CADM2: variants seen among roughly 807,000 people sequenced by gnomAD.
The protein encoded by CADM2 is cell adhesion molecule 2, also known as immunoglobulin superfamily member 4D.
CADM2 carries 12 observed loss-of-function variants against 49.8 expected under a neutral mutation model. The observed-to-expected ratio is 0.24, with a 90% CI of 0.15 to 0.39. CADM2 has a LOEUF of 0.39. CADM2 is among the 10% of genes least tolerant of loss of function. The pLI is 1.00. For synonymous variants in CADM2, 214 were observed against 175.4 expected (o/e 1.22, Z -1.74); for missense variants, 378 against 492.3 (o/e 0.77, Z 2.20).
In CADM2 at chr3:85,886,278, TAAAC is replaced by T; in HGVS notation, c.481_484del (p.Lys161LeufsTer5). 6.2e-7 allele frequency: 1 copy of T among 1,613,834 alleles called. No individual in the cohort carries two copies. Among genetic ancestry groups the T allele is most frequent in the South Asian group, 1.1e-5 (1 of 91,074 alleles). On this transcript the variant is annotated frameshift_variant, in exon 5 of 10. Coordinates refer to ENST00000383699, the MANE Select transcript of CADM2 (RefSeq NM_001167675.2). LOFTEE classifies it high-confidence loss of function. ...AGCTGACTTGCAAAACATCTGGTAG[TAAAC>T]CTGCAGCTGATATAAGATGGTTCAA... is the stretch of plus-strand genomic sequence containing the variant.
At chr3:85,203,566 A>G (rs928376622) in intron 1 of CADM2, among the ~76,000 whole-genome samples, 2 of 152,206 alleles carry the variant, frequency 1.3e-5, no homozygotes, top group African/African-American at 4.8e-5. Context: ...AAACATTTGA[A>G]ATACTGTGAA....
chr3:85,199,900 G>T (rs2041449668), intron 1 of CADM2, among the ~76,000 whole-genome samples: 1 of 151,994 alleles, frequency 6.6e-6, no homozygotes, highest in African/African-American at 2.4e-5. Context: ...TTTTTTAGCT[G>T]CTTATTGAAA....
At chr3:85,695,695 T>C (rs2066530747) in intron 1 of CADM2, among the ~76,000 whole-genome samples, 1 of 152,114 alleles carries the variant, frequency 6.6e-6, no homozygotes, top group Non-Finnish European at 1.5e-5. Flanking sequence ...ATCTTTGCAA[T>C]TGTAAATTGT....
intron 1 of CADM2, among the ~76,000 whole-genome samples, chr3:85,438,680 C>A (rs2037045629): frequency 6.6e-6 from 1 of 151,534 alleles, no homozygotes; most frequent in Non-Finnish European, 1.5e-5. Flanking sequence ...TTTCCTTTTC[C>A]TTTCTTTTTT....
chr3:85,749,166 A>T (rs1262206107), intron 2 of CADM2, among the ~76,000 whole-genome samples: 1 of 152,208 alleles, frequency 6.6e-6, no homozygotes, highest in Non-Finnish European at 1.5e-5. Context: ...GAAACAAAAG[A>T]ATTCAATACC....
intron 1 of CADM2, among the ~76,000 whole-genome samples, chr3:85,701,912 T>TAGATAG (rs1559601731): frequency 2.2e-5 from 3 of 136,620 alleles, no homozygotes; most frequent in African/African-American, 8.6e-5. Flanking sequence ...TAGATAGATA[T>TAGATAG]AAAGAAAAAG....
rs923170570 is a variant in CADM2 at position 85,976,554 on chromosome 3, A to C, written c.970+14907A>C. 4.0e-5 allele frequency among the ~76,000 whole-genome samples: 6 copies of C among 151,680 alleles called. No homozygotes were observed. The Admixed American group carries it at 4.0e-4, about 10-fold the overall frequency. On this transcript the variant is annotated intron_variant, in intron 8 of 9. Transcript: ENST00000383699. Reference sequence around the variant, plus strand: ...CTTTAACAAATAATGAAAGAACAGAATAAAACCCTCAAAATTATTAGAAAA... The same window carrying C: ...CTTTAACAAATAATGAAAGAACAGACTAAAACCCTCAAAATTATTAGAAAA...
At chr3:85,042,801 C>G (rs1276390431) in intron 1 of CADM2, among the ~76,000 whole-genome samples, 1 of 152,002 alleles carries the variant, frequency 6.6e-6, no homozygotes, top group Non-Finnish European at 1.5e-5. Flanking sequence ...GGAGGAGGCT[C>G]AAGATCACCT....
At chr3:85,005,929 A>ACTGAGTGGGAG (rs1224420374) in intron 1 of CADM2, among the ~76,000 whole-genome samples, 24 of 152,224 alleles carry the variant, frequency 1.6e-4, no homozygotes, top group Non-Finnish European at 2.6e-4. Flanking sequence ...TGGGATTTTA[A>ACTGAGTGGGAG]CTGAGTGGGA....
At chr3:85,444,503 C>G (rs1244462651) in intron 1 of CADM2, among the ~76,000 whole-genome samples, 3 of 151,796 alleles carry the variant, frequency 2.0e-5, no homozygotes, top group African/African-American at 4.8e-5. Context: ...ACTGTTCTCT[C>G]CACATTTGGA....
At chr3:85,534,727 T>C (rs1227851419) in intron 1 of CADM2, among the ~76,000 whole-genome samples, 1 of 152,248 alleles carries the variant, frequency 6.6e-6, no homozygotes, top group Non-Finnish European at 1.5e-5. Context: ...TGAATAGCTC[T>C]TGACCTTTGT....
intron 1 of CADM2, among the ~76,000 whole-genome samples, chr3:85,031,785 G>C (rs58982889): frequency 0.43 from 65,968 of 151,920 alleles, 15,735 homozygotes; most frequent in East Asian, 0.83. Flanking sequence ...CTCCCAGAGT[G>C]CCGGGATTAC....
intron 1 of CADM2, among the ~76,000 whole-genome samples, chr3:85,118,998 C>A (rs962107877): frequency 1.3e-5 from 2 of 152,186 alleles, no homozygotes; most frequent in African/African-American, 2.4e-5. Flanking sequence ...ATCCATCCAT[C>A]TTGGCCTCCC....
At chr3:85,337,318 AAAAG>A (rs1166994383) in intron 1 of CADM2, among the ~76,000 whole-genome samples, 1 of 151,128 alleles carries the variant, frequency 6.6e-6, no homozygotes, top group Non-Finnish European at 1.5e-5. Flanking sequence ...ATGAGGGGCA[AAAAG>A]AAAGACAATT....
chr3:85,364,508 T>C (rs2032600334), intron 1 of CADM2, among the ~76,000 whole-genome samples: 1 of 152,164 alleles, frequency 6.6e-6, no homozygotes, highest in South Asian at 2.1e-4. Flanking sequence ...TTAGTGAACA[T>C]TGTTTGTAAC....
chr3:85,684,658 C>A (rs191532597), intron 1 of CADM2, among the ~76,000 whole-genome samples: 1 of 152,122 alleles, frequency 6.6e-6, no homozygotes, highest in Admixed American at 6.5e-5. Context: ...TGGCAGAAGG[C>A]AAAAGGCATT....
intron 3 of CADM2, among the ~76,000 whole-genome samples, chr3:85,879,134 G>A (rs1577546488): frequency 1.3e-5 from 2 of 151,578 alleles, no homozygotes; most frequent in Admixed American, 6.6e-5. Context: ...AAAAGGGGTT[G>A]ATATAGCATG....
intron 1 of CADM2, among the ~76,000 whole-genome samples, chr3:85,015,102 T>C (rs1472977007): frequency 2.0e-5 from 3 of 152,142 alleles, no homozygotes; most frequent in Non-Finnish European, 1.5e-5. Context: ...CATACACGTA[T>C]ACATATATAA....
chr3:85,064,149 G>C (rs1223963312), intron 1 of CADM2, among the ~76,000 whole-genome samples: 1 of 152,026 alleles, frequency 6.6e-6, no homozygotes, highest in African/African-American at 2.4e-5. Context: ...CCTTGCTCTA[G>C]GAAGCAAATT....
Sources: allele counts gnomAD v4.1 joint callset (sites outside exome capture counted in the v4.1 genomes callset), GRCh38; gene constraint gnomAD v4.1.1; transcripts MANE v1.5; gene names NCBI Gene and HGNC (gene_info 2026-07-23, HGNC 2026-07-21).